The following CACNA1E variants were observed in gnomAD, a reference collection of about 807,000 sequenced individuals.
The protein encoded by CACNA1E is calcium voltage-gated channel subunit alpha1 E.
In CACNA1E, 40 loss-of-function variants were observed where a neutral mutation model predicts 259.2. That is an observed-to-expected ratio of 0.15 (90% CI 0.12 to 0.20). CACNA1E has a LOEUF of 0.20. Ranked by LOEUF, CACNA1E falls within the 10% of genes least tolerant of loss-of-function variation. CACNA1E has a pLI of 1.00. For synonymous variants in CACNA1E, 1,104 were observed against 1,138.5 expected (o/e 0.97, Z 0.61); for missense variants, 1,874 against 3,040.1 (o/e 0.62, Z 9.02).
In CACNA1E at chr1:181,423,662, A is replaced by ATTTTTTTT. The variant is rs11302089; in HGVS notation, c.434+10091_434+10098dup. On this transcript the variant is annotated intron_variant, in intron 2 of 11. Transcript: ENST00000524607. ...GGTGAATTTAAGGGCCATTGGGCCA[A>ATTTTTTTT]TTTTTTTTTTTTTTTTGCTGGCCTT... Among the ~76,000 whole-genome samples the ATTTTTTTT allele has an allele frequency of 2.1e-4, 27 of 131,056 alleles. 1 individual carries two copies. Among genetic ancestry groups the ATTTTTTTT allele is most frequent in the South Asian group, 2.6e-4 (1 of 3,914 alleles). The allele number at this position is 131,056 out of a possible 152,430, so 86.0% of individuals were successfully genotyped here. A position where few individuals can be genotyped will look rare whatever the true frequency, so the allele number is the denominator to read the frequency against.
chr1:181,596,407 C>T (rs187599061), intron 6 of CACNA1E, among the ~76,000 whole-genome samples: 240 of 152,320 alleles, frequency 1.6e-3, no homozygotes, highest in African/African-American at 5.5e-3. Context: ...GTCACGGTCA[C>T]GTGCCCCCTC....
intron 2 of CACNA1E, among the ~76,000 whole-genome samples, chr1:181,417,716 C>G (rs1057181035): frequency 3.3e-5 from 5 of 152,194 alleles, no homozygotes; most frequent in African/African-American, 1.2e-4. Flanking sequence ...CCTTAACTCT[C>G]AAATCCCATC....
chr1:181,547,614 C>A (rs992193370), intron 3 of CACNA1E, among the ~76,000 whole-genome samples: 8 of 152,256 alleles, frequency 5.3e-5, no homozygotes, highest in African/African-American at 1.9e-4. Flanking sequence ...TTCCACCACA[C>A]CATGCTGCCC....
chr1:181,672,222 T>C (rs1013026172), intron 7 of CACNA1E, among the ~76,000 whole-genome samples: 1 of 151,912 alleles, frequency 6.6e-6, no homozygotes, highest in Non-Finnish European at 1.5e-5. Context: ...CAACAGACAG[T>C]GGGGTCTACT....
At chr1:181,382,525 A>G (rs541203634) in intron 1 of CACNA1E, among the ~76,000 whole-genome samples, 1 of 152,216 alleles carries the variant, frequency 6.6e-6, no homozygotes, top group African/African-American at 2.4e-5. Flanking sequence ...TAAGGTAGGA[A>G]GAGCAGGATT....
chr1:181,425,611 A>G (rs967968041), intron 2 of CACNA1E, among the ~76,000 whole-genome samples: 3 of 143,658 alleles, frequency 2.1e-5, no homozygotes, highest in Non-Finnish European at 3.1e-5. Flanking sequence ...TTAATCGCAC[A>G]TAACTTCTCA....
chr1:181,506,543 A>T (rs1389801271), intron 1 of CACNA1E, among the ~76,000 whole-genome samples: 2 of 152,236 alleles, frequency 1.3e-5, no homozygotes, highest in African/African-American at 4.8e-5. Context: ...CTGCCAGTAG[A>T]GACATGAGCA....
intron 16 of CACNA1E, among the ~76,000 whole-genome samples, chr1:181,723,783 C>A (rs1388064781): frequency 6.6e-6 from 1 of 152,104 alleles, no homozygotes; most frequent in Non-Finnish European, 1.5e-5. Context: ...ACAAAGGATG[C>A]AGTTGAAGAG....
At chr1:181,621,439 C>T (rs1253135967) in intron 6 of CACNA1E, among the ~76,000 whole-genome samples, 2 of 152,156 alleles carry the variant, frequency 1.3e-5, no homozygotes, top group Non-Finnish European at 2.9e-5. Context: ...CATTTTCAAA[C>T]ATACAGAGTC....
chr1:181,778,991 G>T (rs1477392615), intron 38 of CACNA1E, among the ~76,000 whole-genome samples: 2 of 152,230 alleles, frequency 1.3e-5, no homozygotes, highest in Admixed American at 6.5e-5. Flanking sequence ...CCCCTGAAAA[G>T]TGGGTCTGAG....
intron 44 of CACNA1E, among the ~76,000 whole-genome samples, chr1:181,792,283 G>A (rs1019794445): frequency 1.3e-5 from 2 of 152,128 alleles, no homozygotes; most frequent in Non-Finnish European, 1.5e-5. Flanking sequence ...AGGACTTTTT[G>A]GATATGTGTT....
chr1:181,584,180 A>G (rs965482893), intron 6 of CACNA1E, among the ~76,000 whole-genome samples: 2 of 152,236 alleles, frequency 1.3e-5, no homozygotes, highest in African/African-American at 4.8e-5. Context: ...AGAGGTTCCC[A>G]GTCCCTGTCT....
intron 3 of CACNA1E, among the ~76,000 whole-genome samples, chr1:181,531,990 A>T (rs1667823096): frequency 6.6e-6 from 1 of 152,200 alleles, no homozygotes; most frequent in African/African-American, 2.4e-5. Context: ...TGTGAGACAG[A>T]GGTTGCAGTG....
rs1281979684 is a variant in CACNA1E, at chr1:181,483,533, G to A, written c.-212G>A. ...TTTTTTTTCCTTCTTGAGGAATGGA[G>A]CTTCGCAGAGGTTGCATTTAGATTC... On this transcript the variant is annotated 5_prime_UTR_variant, in exon 1 of 48. Transcript: ENST00000367573. 5.0e-5 allele frequency: 18 copies of A among 362,788 alleles called. No homozygotes were observed. The highest frequency in any genetic ancestry group is 6.5e-5 in the African/African-American group (3 of 46,264). The allele number at this position is 362,788 out of a possible 1,614,324, so 22.5% of individuals were successfully genotyped here. A position where few individuals can be genotyped will look rare whatever the true frequency, so the allele number is the denominator to read the frequency against.
chr1:181,508,083 C>T (rs904285088), intron 1 of CACNA1E, among the ~76,000 whole-genome samples: 1 of 151,804 alleles, frequency 6.6e-6, no homozygotes, highest in East Asian at 1.9e-4. Context: ...AAAAGAGATG[C>T]TCTGAAAAAA....
intron 7 of CACNA1E, among the ~76,000 whole-genome samples, chr1:181,702,415 C>T (rs1388072620): frequency 2.6e-5 from 4 of 152,102 alleles, no homozygotes; most frequent in Non-Finnish European, 4.4e-5. Flanking sequence ...ACCCTTAATC[C>T]CCTTCAGTCT....
intron 1 of CACNA1E, among the ~76,000 whole-genome samples, chr1:181,509,455 C>T (rs533883349): frequency 2.4e-4 from 36 of 152,292 alleles, no homozygotes; most frequent in Admixed American, 1.9e-3. Flanking sequence ...CGGCTCCTCT[C>T]TTCTGCCTGG....
intron 7 of CACNA1E, among the ~76,000 whole-genome samples, chr1:181,708,255 TC>T (rs1652989263): frequency 6.6e-6 from 1 of 152,178 alleles, no homozygotes; most frequent in African/African-American, 2.4e-5. Context: ...CTTGAAGGCT[TC>T]ATCCTCTTCA....
At position 181,483,825 on chromosome 1, in the gene CACNA1E, A is replaced by G. The variant is rs1374190443; in HGVS notation, c.81A>G (p.Gly27=). 6.2e-7 allele frequency: 1 copy of G among 1,613,270 alleles called. No homozygotes were observed. Among genetic ancestry groups the G allele is most frequent in the Non-Finnish European group, 8.5e-7 (1 of 1,179,620 alleles). ...CGGACCAGAGCAGGAACCGGCAAGG[A>G]ACCCCCGTGCCGGCCTCGGGGCAGG... ...GDSDQSRNRQ[G]TPVPASGQAA... is the part of the protein sequence containing the mutation. The change falls in exon 1 of 48, where the codon GGA becomes GGG. Residue 27 remains glycine (G), a synonymous_variant. Transcript: ENST00000367573.
Sources: allele counts gnomAD v4.1 joint callset (sites outside exome capture counted in the v4.1 genomes callset), GRCh38; gene constraint gnomAD v4.1.1; transcripts MANE v1.5; gene names NCBI Gene and HGNC (gene_info 2026-07-23, HGNC 2026-07-21).